Variants in ADGRL3 observed in about 807,000 individuals in gnomAD.
ADGRL3 encodes the protein calcium-independent alpha-latrotoxin receptor 3.
A neutral mutation model predicts 153.5 loss-of-function variants in ADGRL3; 62 were observed. The observed-to-expected ratio is 0.40, with a 90% CI of 0.33 to 0.50. ADGRL3 has a LOEUF of 0.50. Ranked by LOEUF, ADGRL3 falls within the 20% of genes least tolerant of loss-of-function variation. The pLI is 0.47. For synonymous variants in ADGRL3, 710 were observed against 672.5 expected (o/e 1.06, Z -0.86); for missense variants, 1,641 against 1,859.4 (o/e 0.88, Z 2.16).
At chr4:61,326,485 C>A (rs1018125732) in intron 1 of ADGRL3, among the ~76,000 whole-genome samples, 21 of 150,318 alleles carry the variant, frequency 1.4e-4, no homozygotes, top group African/African-American at 5.1e-4. Context: ...TACAATTTGT[C>A]GTTTAGTGTG....
At chr4:61,981,130 A>G (rs1431912408) in intron 18 of ADGRL3, among the ~76,000 whole-genome samples, 2 of 152,182 alleles carry the variant, frequency 1.3e-5, no homozygotes, top group African/African-American at 2.4e-5. Flanking sequence ...TTCGGAAATT[A>G]TTTCATAAAC....
chr4:61,804,773 A>G (rs941498712), intron 8 of ADGRL3, among the ~76,000 whole-genome samples: 8 of 152,204 alleles, frequency 5.3e-5, no homozygotes, highest in Admixed American at 2.0e-4. Flanking sequence ...TTTGAGATCT[A>G]TATTGTCACA....
At chr4:61,264,223 C>A (rs1169000075) in intron 1 of ADGRL3, among the ~76,000 whole-genome samples, 1 of 151,924 alleles carries the variant, frequency 6.6e-6, no homozygotes, top group African/African-American at 2.4e-5. Context: ...TAAGAAACTG[C>A]TTGGGAGAAA....
intron 2 of ADGRL3, among the ~76,000 whole-genome samples, chr4:61,443,427 A>C (rs2097547985): frequency 6.6e-6 from 1 of 152,166 alleles, no homozygotes; most frequent in South Asian, 2.1e-4. Flanking sequence ...TGACTTTAAA[A>C]GTTAAAAAGT....
intron 16 of ADGRL3, among the ~76,000 whole-genome samples, 191 bp downstream of exon 16, chr4:61,947,313 A>G (rs1212183432): frequency 6.6e-6 from 1 of 152,128 alleles, no homozygotes; most frequent in Non-Finnish European, 1.5e-5. Context: ...TATATATGTA[A>G]ATACTTATGG....
chr4:62,038,678 T>C (rs1560538879), intron 24 of ADGRL3, among the ~76,000 whole-genome samples: 1 of 152,188 alleles, frequency 6.6e-6, no homozygotes, highest in Non-Finnish European at 1.5e-5. Context: ...CTCAGCTCAC[T>C]GAAACCCCTT....
At chr4:61,600,113 T>C (rs1458349172) in intron 5 of ADGRL3, among the ~76,000 whole-genome samples, 2 of 151,808 alleles carry the variant, frequency 1.3e-5, no homozygotes, top group African/African-American at 4.8e-5. Flanking sequence ...ATCGAGACCA[T>C]CCTGGCCAAC....
chr4:61,831,500 A>AC (rs2097869117), intron 9 of ADGRL3, among the ~76,000 whole-genome samples: 1 of 150,712 alleles, frequency 6.6e-6, no homozygotes, highest in African/African-American at 2.4e-5. Context: ...AGGTATTCCT[A>AC]ACATTCTAAA....
intron 1 of ADGRL3, among the ~76,000 whole-genome samples, chr4:61,341,204 T>C (rs1353956009): frequency 1.3e-5 from 2 of 152,040 alleles, no homozygotes; most frequent in Admixed American, 1.3e-4. Context: ...TCATTAAATT[T>C]ATAAACTATT....
intron 6 of ADGRL3, among the ~76,000 whole-genome samples, chr4:61,700,497 A>G (rs2095736726): frequency 6.6e-6 from 1 of 152,180 alleles, no homozygotes; most frequent in Non-Finnish European, 1.5e-5. Flanking sequence ...AGGAAAGAAT[A>G]GATAGGTAAC....
intron 1 of ADGRL3, among the ~76,000 whole-genome samples, chr4:61,343,979 A>G (rs1188997867): frequency 2.0e-5 from 3 of 152,220 alleles, no homozygotes; most frequent in Non-Finnish European, 1.5e-5. Context: ...TGTGATAGGT[A>G]TACTTCAGCA....
chr4:61,270,779 T>C (rs980268992), intron 1 of ADGRL3, among the ~76,000 whole-genome samples: 2 of 151,690 alleles, frequency 1.3e-5, no homozygotes, highest in African/African-American at 4.8e-5. Flanking sequence ...AAGCACCTGA[T>C]TTTCTCTTTA....
At position 62,018,304 on chromosome 4, in the gene ADGRL3, C is replaced by A. The variant is rs185550550; in HGVS notation, c.3396-10551C>A. ...TGTGTTCTTACTAGAGTTTGCAGAG[C>A]AGTAGGCATCTCAGGATAACAGATT... On this transcript the variant is annotated intron_variant, in intron 21 of 26. Coordinates refer to ENST00000683033, the MANE Select transcript of ADGRL3 (RefSeq NM_001387552.1). 2.4e-3 allele frequency among the ~76,000 whole-genome samples: 358 copies of A among 152,144 alleles called. 1 individual carries two copies. Among genetic ancestry groups the A allele is most frequent in the African/African-American group, 8.5e-3 (351 of 41,538 alleles).
chr4:61,314,261 G>A (rs1441343102), intron 1 of ADGRL3, among the ~76,000 whole-genome samples: 1 of 150,328 alleles, frequency 6.7e-6, no homozygotes, highest in Non-Finnish European at 1.5e-5. Flanking sequence ...CCAGGCTAGA[G>A]TGCAATGGTG....
At chr4:61,398,768 T>A (rs988548686) in intron 2 of ADGRL3, among the ~76,000 whole-genome samples, 1 of 151,658 alleles carries the variant, frequency 6.6e-6, no homozygotes, top group African/African-American at 2.4e-5. Flanking sequence ...AAATAAGAAC[T>A]GATATATTCA....
intron 24 of ADGRL3, among the ~76,000 whole-genome samples, chr4:62,039,269 C>T (rs1314293026): frequency 6.6e-6 from 1 of 152,078 alleles, no homozygotes; most frequent in Non-Finnish European, 1.5e-5. Flanking sequence ...AACACATCAA[C>T]TGTCAGACTA....
intron 8 of ADGRL3, among the ~76,000 whole-genome samples, chr4:61,812,592 C>T (rs2097643207): frequency 6.6e-6 from 1 of 152,164 alleles, no homozygotes; most frequent in African/African-American, 2.4e-5. Context: ...TCCTCCACTC[C>T]CACTCAAACC....
intron 11 of ADGRL3, among the ~76,000 whole-genome samples, chr4:61,903,314 C>T (rs983759535): frequency 2.0e-5 from 3 of 152,092 alleles, no homozygotes; most frequent in Admixed American, 6.6e-5. Flanking sequence ...CCTCCCTCAC[C>T]TTTCCAGTTG....
At chr4:62,008,675 A>G (rs2099170049) in intron 21 of ADGRL3, among the ~76,000 whole-genome samples, 1 of 151,332 alleles carries the variant, frequency 6.6e-6, no homozygotes, top group Non-Finnish European at 1.5e-5. Flanking sequence ...TTTACAGGTT[A>G]AAAATTAATA....
Sources: allele counts gnomAD v4.1 joint callset (sites outside exome capture counted in the v4.1 genomes callset), GRCh38; gene constraint gnomAD v4.1.1; transcripts MANE v1.5; gene names NCBI Gene and HGNC (gene_info 2026-07-23, HGNC 2026-07-21).